Variants in COPS3 observed in about 807,000 individuals in gnomAD.
The protein encoded by COPS3 is COP9 signalosome subunit 3, also known as COP9 signalosome complex subunit 3.
COPS3 carries 10 observed loss-of-function variants against 58.2 expected under a neutral mutation model. The observed-to-expected ratio is 0.17, with a 90% confidence interval of 0.11 to 0.29. The LOEUF (loss-of-function observed/expected upper bound fraction) is 0.29. Among genes scored for constraint, COPS3 ranks in the 10% least tolerant of loss-of-function variants. The pLI is 1.00. For missense variants in COPS3, 333 were observed against 510.1 expected, an observed-to-expected ratio of 0.65 and a Z score of 3.34; for synonymous variants, 187 against 181.7, an observed-to-expected ratio of 1.03 and a Z score of -0.24.
chr17:17,258,363 A>G (rs2048024120), intron 8 of COPS3, among the ~76,000 whole-genome samples: 1 of 152,140 alleles, frequency 6.6e-6, no homozygotes, highest in Non-Finnish European at 1.5e-5. Context: ...CAGTGGTGCA[A>G]TCTCGGCTCA....
chr17:17,255,777 T>A (rs1210138378), intron 8 of COPS3, among the ~76,000 whole-genome samples: 1 of 150,698 alleles, frequency 6.6e-6, no homozygotes, highest in East Asian at 1.9e-4. Context: ...GAGGTGGAGG[T>A]TGCAGCAAGC....
At chr17:17,273,038 A>G (rs2048385551) in intron 2 of COPS3, among the ~76,000 whole-genome samples, 1 of 152,222 alleles carries the variant, frequency 6.6e-6, no homozygotes, top group Admixed American at 6.5e-5. Flanking sequence ...TGACAGTAGA[A>G]TTCTTTTTCT....
chr17:17,255,373 G>A (rs1055709991), intron 8 of COPS3, among the ~76,000 whole-genome samples: 1 of 151,532 alleles, frequency 6.6e-6, no homozygotes, highest in Non-Finnish European at 1.5e-5. Flanking sequence ...AGCTACTTGG[G>A]AGGCTGAGAC....
chr17:17,271,505 G>A (rs144179000), intron 2 of COPS3, among the ~76,000 whole-genome samples: 3 of 151,506 alleles, frequency 2.0e-5, no homozygotes, highest in African/African-American at 4.8e-5. Flanking sequence ...TATACAGAAC[G>A]GACACAAATA....
chr17:17,280,820 G>C (rs2048566338), intron 1 of COPS3: 1 of 1,243,394 alleles, frequency 8.0e-7, no homozygotes, highest in Non-Finnish European at 1.0e-6. Flanking sequence ...GCCCGAGATG[G>C]CTCCTGGCGG....
intron 5 of COPS3, among the ~76,000 whole-genome samples, chr17:17,265,501 T>C (rs994751718): frequency 1.3e-5 from 2 of 151,228 alleles, no homozygotes; most frequent in African/African-American, 4.9e-5. Flanking sequence ...CGGGTTCAAG[T>C]GATTCTCCTG....
rs2047943250 is a variant in COPS3 at position 17,255,307 on chromosome 17, AAAAC to A, written c.937-366_937-363del. 1.1e-4 allele frequency among the ~76,000 whole-genome samples: 13 copies of A among 117,766 alleles called. No homozygotes were observed. The South Asian group carries it at 4.6e-3, about 42-fold the overall frequency. 77.3% of individuals were successfully genotyped at this position (117,766 alleles called of 152,430 possible). A position where few individuals can be genotyped will look rare whatever the true frequency, so the allele number is the denominator to read the frequency against. ...AAAGTGAGACTCTGTCTCAAAACAAAAAACAAAAAACAAAAAAAGAATTAGCCAG... is the reference window on the plus strand; with the variant it reads ...AAAGTGAGACTCTGTCTCAAAACAAAAAAAAACAAAAAAAGAATTAGCCAG... On this transcript the variant is annotated intron_variant, in intron 8 of 11. Coordinates refer to ENST00000268717, the MANE Select transcript of COPS3 (RefSeq NM_003653.4).
At position 17,260,491 on chromosome 17, in the gene COPS3, G is replaced by A. The variant is rs749701721; in HGVS notation, c.763-17C>T. The A allele has an allele frequency of 1.2e-6, 2 of 1,612,192 alleles. No individual in the cohort carries two copies. Among genetic ancestry groups the A allele is most frequent in the Admixed American group, 1.7e-5 (1 of 59,874 alleles). ...GCTAAGAGGCTAAAGATGCAAAGGA[G>A]GGAAAAAATTCAGATTAAAACTTCA... On this transcript the variant is annotated splice_polypyrimidine_tract_variant and intron_variant, in intron 7 of 11. Transcript: ENST00000268717.
At chr17:17,279,046 G>C (rs1017774939) in intron 1 of COPS3, among the ~76,000 whole-genome samples, 2 of 151,882 alleles carry the variant, frequency 1.3e-5, no homozygotes, top group Non-Finnish European at 2.9e-5. Context: ...GGCTAATTTT[G>C]CATTTTTAGT....
chr17:17,271,154 G>A (rs2048332015), intron 2 of COPS3, 146 bp from the exon 3 acceptor site: 1 of 682,990 alleles, frequency 1.5e-6, no homozygotes, highest in Admixed American at 2.6e-5. Context: ...AACTAGGCCA[G>A]GACAGTGGCT....
rs372198781 is a variant in COPS3, at chr17:17,267,910, G to A, written c.416C>T (p.Thr139Ile). The change falls in exon 5 of 12, where the codon ACC (threonine) becomes ATC (isoleucine). Residue 139 changes from threonine (T) to isoleucine (I), a missense_variant. Thr to Ile is a moderately conservative substitution (Grantham distance 89). Coordinates refer to ENST00000268717, the MANE Select transcript of COPS3 (RefSeq NM_003653.4). ...CTGGCAGAGATCAGCATGTATTGAG[G>A]TCAGCTGGTTTGTATTCATCTGCAT... ...DKMQMNTNQL[T>I]SIHADLCQLC... 1 of 1,613,924 alleles carries A rather than the reference G, an allele frequency of 6.2e-7. No individual in the cohort carries two copies. Among genetic ancestry groups the A allele is most frequent in the African/African-American group, 1.3e-5 (1 of 74,928 alleles).
chr17:17,247,088 G>A lies in COPS3; in HGVS notation c.*10C>T. The stretch of plus-strand genomic sequence containing the variant: ...AGTTTCTCTTGTTTAGCTCAGGATG[G>A]ATGTTAGTTTCAAGAATAACTGGAT... On this transcript the variant is annotated 3_prime_UTR_variant, in exon 12 of 12. Transcript: ENST00000268717. 2.5e-6 allele frequency: 4 copies of A among 1,611,962 alleles called. No homozygotes were observed. The highest frequency in any genetic ancestry group is 3.4e-6 in the Non-Finnish European group (4 of 1,178,022).
At chr17:17,249,881 G>T (rs1008302537) in intron 9 of COPS3, among the ~76,000 whole-genome samples, 3 of 152,140 alleles carry the variant, frequency 2.0e-5, no homozygotes, top group Non-Finnish European at 4.4e-5. Flanking sequence ...ACCTGCCTCG[G>T]CCTCCCAAAA....
chr17:17,249,537 G>A (rs866752670), intron 9 of COPS3, among the ~76,000 whole-genome samples: 2 of 152,070 alleles, frequency 1.3e-5, no homozygotes, highest in African/African-American at 4.8e-5. Flanking sequence ...TTGTTGCCCA[G>A]GCTGGAGTGT....
At chr17:17,256,254 T>TTA (rs929444574) in intron 8 of COPS3, among the ~76,000 whole-genome samples, 13 of 151,948 alleles carry the variant, frequency 8.6e-5, no homozygotes, top group South Asian at 4.2e-4. Context: ...AAAAATAATT[T>TTA]TATATATATA....
At chr17:17,261,846 A>T in intron 7 of COPS3, 120 bp downstream of exon 7, 1 of 774,064 alleles carries the variant, frequency 1.3e-6, no homozygotes, top group South Asian at 1.9e-5. Context: ...ATGTCTGCTC[A>T]CCTGAAGCTG....
At chr17:17,256,035 C>T (rs1264408268) in intron 8 of COPS3, among the ~76,000 whole-genome samples, 7 of 149,768 alleles carry the variant, frequency 4.7e-5, no homozygotes, top group African/African-American at 7.4e-5. Flanking sequence ...AAAAATTAGC[C>T]GGGCGTGGTG....
Position 17,281,226 on chromosome 17 carries a change from G to C in COPS3, c.-40C>G. On this transcript the variant is annotated 5_prime_UTR_variant, in exon 1 of 12. Coordinates refer to ENST00000268717, the MANE Select transcript of COPS3 (RefSeq NM_003653.4). The stretch of plus-strand genomic sequence containing the variant: ...GGCCCGAGCGGCGAAGGCAGCACGC[G>C]CGGGAAAAGGCTGCCGCTCTGGGAG... 1 of 1,589,980 alleles carries C rather than the reference G, an allele frequency of 6.3e-7. No individual in the cohort carries two copies. Among genetic ancestry groups the C allele is most frequent in the Non-Finnish European group, 8.6e-7 (1 of 1,167,602 alleles).
intron 6 of COPS3, among the ~76,000 whole-genome samples, chr17:17,264,201 T>C (rs1277715974): frequency 3.3e-5 from 5 of 152,246 alleles, no homozygotes; most frequent in African/African-American, 1.2e-4. Context: ...ATACATGCTA[T>C]GAACTAAATA....
Sources: allele counts gnomAD v4.1 joint callset (sites outside exome capture counted in the v4.1 genomes callset), GRCh38; gene constraint gnomAD v4.1.1; transcripts MANE v1.5; gene names NCBI Gene and HGNC (gene_info 2026-07-23, HGNC 2026-07-21).